Variants in PLIN4 observed in about 807,000 individuals in gnomAD.
The protein encoded by PLIN4 is perilipin 4.
A neutral mutation model predicts 52.4 loss-of-function variants in PLIN4; 57 were observed. The ratio of observed to expected loss-of-function variants is 1.09; its 90% CI spans 0.88 to 1.36. The LOEUF is 1.36. PLIN4 is among the 40% of genes most tolerant of loss of function. The probability of loss-of-function intolerance (pLI) is 0.00; values close to 1 mark genes in which losing one functional copy is unlikely to be tolerated. For missense variants in PLIN4, 1,757 were observed against 1,770.3 expected (o/e 0.99, Z 0.13); for synonymous variants, 826 against 785.4 (o/e 1.05, Z -0.86).
rs770270740 is a variant in PLIN4, at chr19:4,516,643, C to T, written c.232G>A (p.Glu78Lys). The T allele has an allele frequency of 2.5e-6, 4 of 1,605,002 alleles. No homozygotes were observed. The South Asian group carries it at 4.5e-5, about 18-fold the overall frequency. The change falls in exon 4 of 8, where the codon GAG (glutamate) becomes AAG (lysine). Residue 78 changes from glutamate to lysine, a missense_variant. Glu to Lys is a moderately conservative substitution (Grantham distance 56). Coordinates refer to ENST00000301286, the MANE Select transcript of PLIN4 (RefSeq NM_001367868.2). ...TTTTCCGAAGGTTGCAGCTCCTTCT[C>T]CGTCCATGGGGCCGTCTGCTCTGGG... ...AHPEQTAPWT[E>K]KELQPSEKMV...
chr19:4,509,749 G>A (rs982597107), intron 5 of PLIN4, among the ~76,000 whole-genome samples: 2 of 152,104 alleles, frequency 1.3e-5, no homozygotes, highest in Non-Finnish European at 2.9e-5. Flanking sequence ...AGACCAGCCT[G>A]GGCAACATAG....
chr19:4,513,392 C>A lies in PLIN4; in HGVS notation c.568G>T (p.Gly190Cys), dbSNP rs745603849. The A allele has an allele frequency of 6.2e-7, 1 of 1,613,522 alleles. No homozygotes were observed. Among genetic ancestry groups the A allele is most frequent in the Non-Finnish European group, 8.5e-7 (1 of 1,179,900 alleles). ...AGCACAGTCTTGGTGGTGTCCACAC[C>A]GGCCTGTACGGTCCCTTTGGCCACA... is the stretch of plus-strand genomic sequence containing the variant. Reference protein sequence around the residue: ...VNVAKGTVQAGVDTTKTVLTG... With the variant: ...VNVAKGTVQACVDTTKTVLTG... The change falls in exon 5 of 8, where the codon GGT becomes TGT. Residue 190 changes from glycine (G) to cysteine (C), a missense_variant. By Grantham distance (159) the Gly-to-Cys change is radical. This residue lies in a region of PLIN4 where 332 missense variants were observed against 310.8 expected (regional missense o/e 1.07). Transcript: ENST00000301286.
intron 6 of PLIN4, among the ~76,000 whole-genome samples, chr19:4,508,416 G>A (rs1452975003): frequency 6.6e-6 from 1 of 152,162 alleles, no homozygotes; most frequent in Non-Finnish European, 1.5e-5. Context: ...ACAGGCGCCT[G>A]CCACCACTCC....
intron 5 of PLIN4, among the ~76,000 whole-genome samples, chr19:4,509,161 A>G (rs538227623): frequency 1.1e-4 from 16 of 151,240 alleles, no homozygotes; most frequent in Non-Finnish European, 1.9e-4. Flanking sequence ...AATACAAAAA[A>G]TTAGCCGGGC....
At chr19:4,505,707 G>A (rs929938745) in intron 6 of PLIN4, among the ~76,000 whole-genome samples, 14 of 152,072 alleles carry the variant, frequency 9.2e-5, no homozygotes, top group African/African-American at 2.9e-4. Context: ...GATGCGGCAC[G>A]CCGTCAAAAT....
At chr19:4,516,816 G>A (rs1976595473) in intron 3 of PLIN4, 138 bp from the exon 4 acceptor site, 5 of 902,896 alleles carry the variant, frequency 5.5e-6, no homozygotes, top group Non-Finnish European at 8.0e-6. Flanking sequence ...AGCAGGAGGT[G>A]ACATCCACGG....
intron 2 of PLIN4, among the ~76,000 whole-genome samples, chr19:4,517,991 G>A (rs1336512496): frequency 2.0e-5 from 3 of 152,196 alleles, no homozygotes; most frequent in Admixed American, 6.5e-5. Context: ...GCGGAGCTGA[G>A]GCCGGCCCAA....
chr19:4,509,123 C>CA (rs1474448413), intron 5 of PLIN4, among the ~76,000 whole-genome samples, 168 bp from the exon 6 acceptor site: 1 of 151,390 alleles, frequency 6.6e-6, no homozygotes, highest in African/African-American at 2.4e-5. Flanking sequence ...TCCTGGCTAA[C>CA]ACGGTGAAAC....
rs530469153 is a variant in PLIN4 at position 4,516,440 on chromosome 19, C to T, written c.258+177G>A. 6.6e-5 allele frequency among the ~76,000 whole-genome samples: 10 copies of T among 152,310 alleles called. No homozygotes were observed. In the South Asian group the frequency reaches 1.0e-3, roughly 16 times the overall value. Reference sequence around the variant, plus strand: ...AAATAGAGGCTCAGAGGGGAAGCTCCGCCTGGGATCCCCAGGCTGTCTGCC... The same window carrying T: ...AAATAGAGGCTCAGAGGGGAAGCTCTGCCTGGGATCCCCAGGCTGTCTGCC... On this transcript the variant is annotated intron_variant, in intron 4 of 7. Transcript: ENST00000301286.
intron 4 of PLIN4, among the ~76,000 whole-genome samples, chr19:4,515,791 C>T (rs1383000280): frequency 2.0e-5 from 3 of 152,124 alleles, no homozygotes; most frequent in Admixed American, 6.6e-5. Context: ...TTGAGAAGCC[C>T]GGAAATTGTA....
chr19:4,516,145 C>T (rs1175241889), intron 4 of PLIN4, among the ~76,000 whole-genome samples: 3 of 152,036 alleles, frequency 2.0e-5, no homozygotes, highest in East Asian at 1.9e-4. Context: ...CTGGGCATGG[C>T]GGTGAGCACT....
intron 4 of PLIN4, among the ~76,000 whole-genome samples, chr19:4,515,195 A>C (rs113223116): frequency 0.014 from 2,162 of 152,032 alleles, 67 homozygotes; most frequent in African/African-American, 0.05. Context: ...AAAAATTAAA[A>C]AACACAAAAA....
intron 3 of PLIN4, 74 bp downstream of exon 3, chr19:4,517,480 C>T: frequency 2.0e-6 from 3 of 1,517,942 alleles, no homozygotes; most frequent in African/African-American, 2.8e-5. Context: ...GCTGGAAGTC[C>T]CTGCCCGGGG....
At chr19:4,514,450 AAAT>A (rs1976530794) in intron 4 of PLIN4, among the ~76,000 whole-genome samples, 3 of 152,054 alleles carry the variant, frequency 2.0e-5, no homozygotes, top group African/African-American at 7.2e-5. Flanking sequence ...TCTGTCTCAA[AAAT>A]AATGATATAC....
At position 4,508,879 on chromosome 19, in the gene PLIN4, G is replaced by A; in HGVS notation, c.3591C>T (p.Asp1197=). The A allele has an allele frequency of 3.7e-6, 6 of 1,613,174 alleles. No individual in the cohort carries two copies. Among genetic ancestry groups the A allele is most frequent in the African/African-American group, 2.7e-5 (2 of 75,054 alleles). ...EQGSYFVRLG[D]LGPSFRQRAF... is the part of the protein sequence containing the mutation. ...CCCGCTGGCGGAAGCTGGGACCCAG[G>A]TCACCTAAACGAACGAAGTAGCTCC... The change falls in exon 6 of 8, where the codon GAC becomes GAT. Residue 1197 remains aspartate (D), a synonymous_variant. Coordinates refer to ENST00000301286, the MANE Select transcript of PLIN4 (RefSeq NM_001367868.2).
At chr19:4,509,552 A>T (rs1043658981) in intron 5 of PLIN4, among the ~76,000 whole-genome samples, 24 of 151,988 alleles carry the variant, frequency 1.6e-4, no homozygotes, top group Non-Finnish European at 1.3e-4. Flanking sequence ...TGAACCCAGG[A>T]AGTGTGGAGG....
intron 6 of PLIN4, among the ~76,000 whole-genome samples, chr19:4,507,852 C>T (rs1316419135): frequency 2.6e-5 from 4 of 152,072 alleles, no homozygotes; most frequent in Admixed American, 6.6e-5. Context: ...TGATCCCACC[C>T]CAGAGCACGA....
intron 6 of PLIN4, among the ~76,000 whole-genome samples, chr19:4,507,036 A>G (rs1976115608): frequency 6.6e-6 from 1 of 152,122 alleles, no homozygotes; most frequent in South Asian, 2.1e-4. Context: ...CCTACTCTCC[A>G]CCAGGGGCTT....
At position 4,503,259 on chromosome 19, in the gene PLIN4, C is replaced by T. The variant is rs1268886021; in HGVS notation, c.*1200G>A. On this transcript the variant is annotated 3_prime_UTR_variant, in exon 8 of 8. Coordinates refer to ENST00000301286, the MANE Select transcript of PLIN4 (RefSeq NM_001367868.2). The stretch of plus-strand genomic sequence containing the variant: ...AAAGGGGACGACAAGGTTCTCTTAC[C>T]GGGTGAGTGGGGATATGGCTTCCTG... The T allele has an allele frequency of 6.6e-6, 1 of 152,544 alleles. No individual in the cohort carries two copies. The highest frequency in any genetic ancestry group is 1.5e-5 in the Non-Finnish European group (1 of 68,222). 9.4% of individuals were successfully genotyped at this position (152,544 alleles called of 1,614,324 possible). A position where few individuals can be genotyped will look rare whatever the true frequency, so the allele number is the denominator to read the frequency against.
Sources: gnomAD v4.1 joint callset for allele counts (sites outside exome capture counted in the v4.1 genomes callset) on GRCh38, gnomAD v4.1.1 for gene constraint, gnomAD v4.1.1 regional missense constraint, MANE v1.5 for transcripts, NCBI Gene and HGNC (gene_info 2026-07-23, HGNC 2026-07-21) for gene names.